Variants in MFAP2 observed in about 807,000 individuals in gnomAD.
MFAP2 encodes microfibrillar-associated protein 2.
MFAP2 carries 23 observed loss-of-function variants against 30.6 expected under a neutral mutation model. That is an observed-to-expected ratio of 0.75 (90% CI 0.54 to 1.07). The LOEUF is 1.07. MFAP2 is among the 50% of genes least tolerant of loss of function. MFAP2 has a pLI of 0.00. For synonymous variants in MFAP2, 73 were observed against 85.7 expected (o/e 0.85, Z 0.82); for missense variants, 198 against 223.8 (o/e 0.88, Z 0.74).
In MFAP2 at chr1:16,976,654, T is replaced by C; in HGVS notation, c.241+54A>G. ...ACCCCCACTCCCAGGGTTGACAGGG[T>C]GGGGAGGGGTGAGGCAGGAGCTGAG... On this transcript the variant is annotated intron_variant, in intron 5 of 8. Transcript: ENST00000375535. The surrounding 1 kb of genome is among the most constrained non-coding windows in gnomAD (Gnocchi z 5.5). The C allele has an allele frequency of 6.2e-7, 1 of 1,608,462 alleles. No homozygotes were observed. The highest frequency in any genetic ancestry group is 8.5e-7 in the Non-Finnish European group (1 of 1,176,480).
Position 16,975,445 on chromosome 1 carries a change from GGGAGCCCGGACAGAACCTGGCACT to G in MFAP2, c.375-127_375-104del, listed in dbSNP as rs1448057006. 13 of 763,132 alleles carry G rather than the reference GGGAGCCCGGACAGAACCTGGCACT, an allele frequency of 1.7e-5. No individual in the cohort carries two copies. Among genetic ancestry groups the G allele is most frequent in the East Asian group, 1.6e-4 (2 of 12,356 alleles). The allele number at this position is 763,132 out of a possible 1,614,324, so 47.3% of individuals were successfully genotyped here. A position where few individuals can be genotyped will look rare whatever the true frequency, so the allele number is the denominator to read the frequency against. On this transcript the variant is annotated intron_variant, in intron 7 of 8. Transcript: ENST00000375535. This position sits in a 1 kb window ranked among gnomAD's most constrained non-coding sequence, Gnocchi z 5.0. Reference sequence around the variant, plus strand: ...CGGGAGCCCGGACAGAACCTGGCACGGGAGCCCGGACAGAACCTGGCACTGGAGCCCAGGAGTGGAGGAGGTCCC... The same window carrying G: ...CGGGAGCCCGGACAGAACCTGGCACGGGAGCCCAGGAGTGGAGGAGGTCCC...
Position 16,976,918 on chromosome 1 carries a change from G to C in MFAP2, c.133C>G (p.Pro45Ala), listed in dbSNP as rs2076597407. The C allele has an allele frequency of 1.2e-6, 2 of 1,614,070 alleles. No individual in the cohort carries two copies. Among genetic ancestry groups the C allele is most frequent in the Non-Finnish European group, 1.7e-6 (2 of 1,179,982 alleles). ...TTACCTTGATAATCATAGTAGTCTG[G>C]GTTGTCTGCAAACAAAGATGAAAGT... Reference protein sequence around the residue: ...YTHYSDQIDNPDYYDYQEVTP... With the variant: ...YTHYSDQIDNADYYDYQEVTP... Residue 45 changes from proline to alanine, a missense_variant, in exon 4 of 9, where the codon CCA (proline) becomes GCA (alanine). Physicochemically the swap from Pro to Ala is conservative, Grantham distance 27 (BLOSUM62 -1). Coordinates refer to ENST00000375535, the MANE Select transcript of MFAP2 (RefSeq NM_002403.4). The surrounding 1 kb of genome is among the most constrained non-coding windows in gnomAD (Gnocchi z 5.5).
In MFAP2 at chr1:16,976,935, GATGAA is replaced by G. The variant is rs1419112495; in HGVS notation, c.128-17_128-13del. The G allele has an allele frequency of 6.2e-7, 1 of 1,614,120 alleles. No individual in the cohort carries two copies. The highest frequency in any genetic ancestry group is 1.7e-5 in the Admixed American group (1 of 60,008). ...GTAGTCTGGGTTGTCTGCAAACAAA[GATGAA>G]AGTGGAATTGGTGGGAGTAAGGCTA... is the stretch of plus-strand genomic sequence containing the variant. On this transcript the variant is annotated splice_polypyrimidine_tract_variant and intron_variant, in intron 3 of 8. Transcript: ENST00000375535. The surrounding 1 kb of genome is among the most constrained non-coding windows in gnomAD (Gnocchi z 5.5).
upstream of MFAP2, among the ~76,000 whole-genome samples, chr1:16,981,407 C>T (rs2076637304): frequency 2.0e-5 from 3 of 152,174 alleles, no homozygotes; most frequent in Non-Finnish European, 4.4e-5. Context: ...CAGACCTGGC[C>T]CTCCAGGATT....
At chr1:16,978,163 A>G (rs1463920844) in intron 2 of MFAP2, 74 bp downstream of exon 2, 6 of 1,481,852 alleles carry the variant, frequency 4.0e-6, no homozygotes, top group South Asian at 1.2e-5. Context: ...AAGGCTCACT[A>G]TGAATTCCCC....
chr1:16,980,892 AG>A (rs1196346650), upstream of MFAP2: 3 of 152,884 alleles, frequency 2.0e-5, no homozygotes, highest in African/African-American at 7.2e-5. Flanking sequence ...GAGGTGGGCA[AG>A]GGTAGGTGTG....
Position 16,974,940 on chromosome 1 carries a change from T to C in MFAP2, c.532A>G (p.Arg178Gly). ...LCQSVAASCA[R>G]SCGSC ...CCACCCTAGCAGCTCCCACAGCTCC[T>C]GGCACAGGAGGCCGCCACGGATTGG... Residue 178 changes from arginine (R) to glycine (G), a missense_variant, in exon 9 of 9, where the codon AGG becomes GGG. Coordinates refer to ENST00000375535, the MANE Select transcript of MFAP2 (RefSeq NM_002403.4). 1 of 923,392 alleles carries C rather than the reference T, an allele frequency of 1.1e-6. No individual in the cohort carries two copies. The allele number at this position is 923,392 out of a possible 1,614,324, so 57.2% of individuals were successfully genotyped here.
At chr1:16,978,021 G>A (rs1012134298) in intron 2 of MFAP2, 21 of 511,436 alleles carry the variant, frequency 4.1e-5, no homozygotes, top group Admixed American at 7.2e-5. Flanking sequence ...CCTGCCTGCT[G>A]CTGTGGAAGG....
chr1:16,978,368 A>T, intron 1 of MFAP2, 54 bp from the exon 2 acceptor site: 1 of 1,425,560 alleles, frequency 7.0e-7, no homozygotes, highest in Non-Finnish European at 9.6e-7. Context: ...AGGACAGCAG[A>T]GCTCACCTTT....
chr1:16,976,378 C>A lies in MFAP2; in HGVS notation c.286+123G>T. 7.8e-7 allele frequency: 1 copy of A among 1,273,954 alleles called. No homozygotes were observed. Among genetic ancestry groups the A allele is most frequent in the South Asian group, 1.2e-5 (1 of 82,296 alleles). 78.9% of individuals were successfully genotyped at this position (1,273,954 alleles called of 1,614,324 possible). On this transcript the variant is annotated intron_variant, in intron 6 of 8. Coordinates refer to ENST00000375535, the MANE Select transcript of MFAP2 (RefSeq NM_002403.4). The surrounding 1 kb of genome is among the most constrained non-coding windows in gnomAD (Gnocchi z 5.5). Reference sequence around the variant, plus strand: ...ATGCCAGCCTACGGCAGTCATACTGCCCACACTGCCAAGAGCCCACATGGG... The same window carrying A: ...ATGCCAGCCTACGGCAGTCATACTGACCACACTGCCAAGAGCCCACATGGG...
At position 16,975,427 on chromosome 1, in the gene MFAP2, C is replaced by A. The variant is rs973859316; in HGVS notation, c.375-85G>T. ...CCCAGACAGAACCTGGCACGGGAGCCCGGACAGAACCTGGCACGGGAGCCC... is the reference window on the plus strand; with the variant it reads ...CCCAGACAGAACCTGGCACGGGAGCACGGACAGAACCTGGCACGGGAGCCC... On this transcript the variant is annotated intron_variant, in intron 7 of 8. Transcript: ENST00000375535. This position sits in a 1 kb window ranked among gnomAD's most constrained non-coding sequence, Gnocchi z 5.0. 4.2e-6 allele frequency: 4 copies of A among 947,152 alleles called. No homozygotes were observed. Among genetic ancestry groups the A allele is most frequent in the Non-Finnish European group, 2.7e-6 (2 of 741,772 alleles). The allele number at this position is 947,152 out of a possible 1,614,324, so 58.7% of individuals were successfully genotyped here. A position where few individuals can be genotyped will look rare whatever the true frequency, so the allele number is the denominator to read the frequency against.
In MFAP2 at chr1:16,976,136, C is replaced by T; in HGVS notation, c.286+365G>A. ...TCTTTCAAGCTCTCAGCTAGGGCAG[C>T]CGGAGGGCACCGCTCAGCCAGCCTG... On this transcript the variant is annotated intron_variant, in intron 6 of 8. Transcript: ENST00000375535. This position sits in a 1 kb window ranked among gnomAD's most constrained non-coding sequence, Gnocchi z 5.5. 1 of 493,952 alleles carries T rather than the reference C, an allele frequency of 2.0e-6. No individual in the cohort carries two copies. The highest frequency in any genetic ancestry group is 3.7e-6 in the Non-Finnish European group (1 of 271,780). The allele number at this position is 493,952 out of a possible 1,614,324, so 30.6% of individuals were successfully genotyped here.
At chr1:16,978,657 G>A (rs189381067) in intron 1 of MFAP2, among the ~76,000 whole-genome samples, 12 of 152,266 alleles carry the variant, frequency 7.9e-5, no homozygotes, top group African/African-American at 2.4e-4. Context: ...ACCCACACCC[G>A]TGCTCAGCCC....
chr1:16,979,799 C>T, intron 1 of MFAP2, among the ~76,000 whole-genome samples: 1 of 152,204 alleles, frequency 6.6e-6, no homozygotes, highest in East Asian at 1.9e-4. Context: ...GGACTGGCCC[C>T]CGAACCCAGG....
At chr1:16,980,769 TG>T (rs60284130), upstream of MFAP2, 70,235 of 148,538 alleles carry the variant, frequency 0.47, 16,968 homozygotes, top group Non-Finnish European at 0.56. Context: ...TTCCATCTCC[TG>T]GGGGGGGGGG....
At chr1:16,979,020 G>A (rs1343836086) in intron 1 of MFAP2, 1 of 152,324 alleles carries the variant, frequency 6.6e-6, no homozygotes, top group Non-Finnish European at 1.5e-5. Flanking sequence ...CGAGAGTGAA[G>A]CCTGAGGGGG....
chr1:16,977,115 G>C lies in MFAP2; in HGVS notation c.121C>G (p.Gln41Glu). ...DHVQYTHYSD[Q>E]IDNPDYYDYQ... The stretch of plus-strand genomic sequence containing the variant: ...GACCCGGCAAGGCCCTTACCGATCT[G>C]GTCGCTATAGTGGGTGTACTGGACG... The change falls in exon 3 of 9, where the codon CAG becomes GAG. Residue 41 changes from glutamine to glutamate, a missense_variant. Coordinates refer to ENST00000375535, the MANE Select transcript of MFAP2 (RefSeq NM_002403.4). 6.2e-7 allele frequency: 1 copy of C among 1,613,928 alleles called. No homozygotes were observed. The highest frequency in any genetic ancestry group is 8.5e-7 in the Non-Finnish European group (1 of 1,179,994).
chr1:16,979,959 G>A (rs115679874), intron 1 of MFAP2, among the ~76,000 whole-genome samples: 2,448 of 152,220 alleles, frequency 0.016, 62 homozygotes, highest in African/African-American at 0.053. Context: ...GGACCTGCCT[G>A]GGAGGCTGCC....
chr1:16,975,617 C>T lies in MFAP2; in HGVS notation c.374+26G>A, dbSNP rs760742968. 1.2e-6 allele frequency: 2 copies of T among 1,610,334 alleles called. No individual in the cohort carries two copies. The highest frequency in any genetic ancestry group is 1.7e-6 in the Non-Finnish European group (2 of 1,177,152). ...CTAGCCCCCCATGCTCCGGAATCCT[C>T]CCGACAGCTGCCCATCTGTGCTCAC... is the stretch of plus-strand genomic sequence containing the variant. On this transcript the variant is annotated intron_variant, in intron 7 of 8. Coordinates refer to ENST00000375535, the MANE Select transcript of MFAP2 (RefSeq NM_002403.4). The surrounding 1 kb of genome is among the most constrained non-coding windows in gnomAD (Gnocchi z 5.0).
Sources: gnomAD v4.1 joint callset for allele counts (sites outside exome capture counted in the v4.1 genomes callset) on GRCh38, gnomAD v4.1.1 for gene constraint, Gnocchi (gnomAD v3.1) non-coding constraint, MANE v1.5 for transcripts, NCBI Gene and HGNC (gene_info 2026-07-23, HGNC 2026-07-21) for gene names.